The following CNTNAP2 variants were observed in gnomAD, a reference collection of about 807,000 sequenced individuals.
The protein encoded by CNTNAP2 is contactin associated protein 2.
CNTNAP2 carries 98 observed loss-of-function variants against 155.2 expected under a neutral mutation model. The observed-to-expected ratio is 0.63, with a 90% confidence interval of 0.54 to 0.75. CNTNAP2 has a LOEUF of 0.75. Among genes scored for constraint, CNTNAP2 ranks in the 30% least tolerant of loss-of-function variants. The pLI is 0.00. For synonymous variants in CNTNAP2, 651 were observed against 631.2 expected, an observed-to-expected ratio of 1.03 and a Z score of -0.47; for missense variants, 1,727 against 1,688.1, an observed-to-expected ratio of 1.02 and a Z score of -0.40.
At chr7:146,299,303 T>C (rs750802541) in intron 1 of CNTNAP2, among the ~76,000 whole-genome samples, 1 of 152,042 alleles carries the variant, frequency 6.6e-6, no homozygotes, top group Non-Finnish European at 1.5e-5. Flanking sequence ...ATAGAAATAA[T>C]ACACACAGTG....
chr7:146,483,326 T>TATATATATACAC (rs1554439604), intron 1 of CNTNAP2, among the ~76,000 whole-genome samples: 4 of 79,260 alleles, frequency 5.0e-5, no homozygotes, highest in Non-Finnish European at 9.3e-5. Context: ...TATATATATA[T>TATATATATACAC]ATACATATAT....
chr7:148,394,519 A>C (rs1385524555), intron 22 of CNTNAP2, among the ~76,000 whole-genome samples: 2 of 152,040 alleles, frequency 1.3e-5, no homozygotes, highest in East Asian at 3.8e-4. Context: ...TGTGGATTTG[A>C]GAATTTTAAT....
chr7:146,609,784 C>T (rs1799104724), intron 1 of CNTNAP2, among the ~76,000 whole-genome samples: 1 of 152,126 alleles, frequency 6.6e-6, no homozygotes, highest in Non-Finnish European at 1.5e-5. Context: ...CATTATAGGC[C>T]TTCCTACATT....
chr7:146,510,497 G>C (rs1797449745), intron 1 of CNTNAP2, among the ~76,000 whole-genome samples: 1 of 152,056 alleles, frequency 6.6e-6, no homozygotes, highest in African/African-American at 2.4e-5. Context: ...TACATTTTAG[G>C]GTTGCTTTTT....
intron 1 of CNTNAP2, among the ~76,000 whole-genome samples, chr7:146,612,081 A>C (rs984970319): frequency 1.3e-5 from 2 of 152,338 alleles, no homozygotes; most frequent in Non-Finnish European, 2.9e-5. Context: ...AGCTTTATTT[A>C]AATTGACAAC....
At chr7:148,330,965 A>T (rs770114909) in intron 21 of CNTNAP2, among the ~76,000 whole-genome samples, 80 of 140,430 alleles carry the variant, frequency 5.7e-4, no homozygotes, top group Middle Eastern at 5.4e-3. Context: ...GATAGAGTGG[A>T]TGGATAGAGT....
chr7:146,620,789 C>T (rs1264008654), intron 1 of CNTNAP2, among the ~76,000 whole-genome samples: 1 of 152,046 alleles, frequency 6.6e-6, no homozygotes, highest in African/African-American at 2.4e-5. Context: ...AATGTTGTTG[C>T]TATGTGTGCT....
chr7:147,895,842 T>C (rs1799766879), intron 13 of CNTNAP2, among the ~76,000 whole-genome samples: 2 of 152,232 alleles, frequency 1.3e-5, no homozygotes, highest in Admixed American at 1.3e-4. Context: ...AATTAATAAT[T>C]TATTTTAGTT....
intron 12 of CNTNAP2, among the ~76,000 whole-genome samples, chr7:147,571,619 C>A (rs1317875215): frequency 6.6e-6 from 1 of 152,006 alleles, no homozygotes; most frequent in Non-Finnish European, 1.5e-5. Context: ...TAACAATGAT[C>A]GTAGTGTCTC....
chr7:147,184,856 A>G (rs1008020921), intron 8 of CNTNAP2, among the ~76,000 whole-genome samples: 1 of 152,226 alleles, frequency 6.6e-6, no homozygotes, highest in Non-Finnish European at 1.5e-5. Flanking sequence ...GCTGAAAACA[A>G]TTAACAATGG....
At chr7:147,033,187 T>TAC (rs1188601603) in intron 3 of CNTNAP2, among the ~76,000 whole-genome samples, 3 of 89,462 alleles carry the variant, frequency 3.4e-5, no homozygotes, top group East Asian at 7.4e-4. Context: ...TATATATATA[T>TAC]ATATATATAT....
At position 147,868,743 on chromosome 7, in the gene CNTNAP2, T is replaced by C. The variant is rs368651494; in HGVS notation, c.2099-34822T>C. On this transcript the variant is annotated intron_variant, in intron 13 of 23. Coordinates refer to ENST00000361727, the MANE Select transcript of CNTNAP2 (RefSeq NM_014141.6). The stretch of plus-strand genomic sequence containing the variant: ...TGATCTCAGACTGCTGCGCTAGCAG[T>C]GAGCAAGGCTCCATGGGCATGGGAC... 3.2e-4 allele frequency among the ~76,000 whole-genome samples: 49 copies of C among 152,322 alleles called. 1 individual carries two copies. Among genetic ancestry groups the C allele is most frequent in the African/African-American group, 1.0e-3 (42 of 41,582 alleles).
chr7:146,495,252 A>T (rs1206298100), intron 1 of CNTNAP2, among the ~76,000 whole-genome samples: 2 of 152,104 alleles, frequency 1.3e-5, no homozygotes, highest in Non-Finnish European at 2.9e-5. Flanking sequence ...ACAACCCTTT[A>T]TTGTTTTCTC....
At chr7:148,131,064 G>A (rs1468727556) in intron 16 of CNTNAP2, among the ~76,000 whole-genome samples, 25 of 116,656 alleles carry the variant, frequency 2.1e-4, no homozygotes, top group Admixed American at 8.4e-5. Flanking sequence ...GGATTCTAAC[G>A]TTTTCTTTTC....
intron 3 of CNTNAP2, among the ~76,000 whole-genome samples, chr7:147,043,463 A>G (rs372723974): frequency 7.9e-5 from 12 of 152,190 alleles, no homozygotes; most frequent in East Asian, 5.8e-4. Context: ...AACGTGTTCA[A>G]TTGTTCTTCT....
chr7:148,019,930 G>C (rs549085427), intron 15 of CNTNAP2, among the ~76,000 whole-genome samples: 1 of 152,248 alleles, frequency 6.6e-6, no homozygotes, highest in African/African-American at 2.4e-5. Context: ...GATTACAGGT[G>C]CCTGCCACCA....
At chr7:146,176,965 C>T (rs1168166141) in intron 1 of CNTNAP2, among the ~76,000 whole-genome samples, 1 of 152,124 alleles carries the variant, frequency 6.6e-6, no homozygotes, top group Non-Finnish European at 1.5e-5. Context: ...GCAGTAGGGA[C>T]AGAATAGTTG....
chr7:146,138,908 A>C (rs1221995872), intron 1 of CNTNAP2, among the ~76,000 whole-genome samples: 1 of 152,164 alleles, frequency 6.6e-6, no homozygotes, highest in Non-Finnish European at 1.5e-5. Flanking sequence ...CACTTATCAA[A>C]TATATGCTCC....
intron 8 of CNTNAP2, among the ~76,000 whole-genome samples, chr7:147,246,579 C>T (rs1804075746): frequency 6.6e-6 from 1 of 152,166 alleles, no homozygotes; most frequent in Admixed American, 6.5e-5. Flanking sequence ...TAATTACACT[C>T]ATGAGGGTTC....
Sources: allele counts gnomAD v4.1 joint callset (sites outside exome capture counted in the v4.1 genomes callset), GRCh38; gene constraint gnomAD v4.1.1; transcripts MANE v1.5; gene names NCBI Gene and HGNC (gene_info 2026-07-23, HGNC 2026-07-21).